The following ARID1B variants were observed in gnomAD, a reference collection of about 807,000 sequenced individuals.
The protein encoded by ARID1B is AT-rich interactive domain-containing protein 1B.
ARID1B carries 30 observed loss-of-function variants against 212.3 expected under a neutral mutation model. The observed-to-expected ratio is 0.14, with a 90% confidence interval of 0.11 to 0.19. The LOEUF (loss-of-function observed/expected upper bound fraction) is 0.19, where lower values mean the gene tolerates loss of function less well. Ranked by LOEUF, ARID1B falls within the 10% of genes least tolerant of loss-of-function variation. The pLI, the probability that ARID1B is intolerant of heterozygous loss-of-function variation, is 1.00. For synonymous variants in ARID1B, 1,402 were observed against 1,301.7 expected (o/e 1.08, Z -1.66); for missense variants, 2,891 against 3,204.0 (o/e 0.90, Z 2.36).
Position 156,859,837 on chromosome 6 carries a change from G to A in ARID1B, c.1986+30416G>A, listed in dbSNP as rs75383983. On this transcript the variant is annotated intron_variant, in intron 2 of 19. Transcript: ENST00000636930. Reference sequence around the variant, plus strand: ...GGAGAGGGCACAGAAAGACTAAGGTGAAAAGCTGTCACTTCTAATGTTTTC... The same window carrying A: ...GGAGAGGGCACAGAAAGACTAAGGTAAAAAGCTGTCACTTCTAATGTTTTC... 4.1e-3 allele frequency among the ~76,000 whole-genome samples: 631 copies of A among 152,340 alleles called. 10 individuals are homozygous for A. Among genetic ancestry groups the A allele is most frequent in the African/African-American group, 0.014 (591 of 41,580 alleles).
intron 1 of ARID1B, among the ~76,000 whole-genome samples, chr6:156,791,877 C>T (rs1019136417): frequency 1.2e-4 from 19 of 152,138 alleles, no homozygotes; most frequent in Non-Finnish European, 2.2e-4. Flanking sequence ...ATTGCTAATT[C>T]GTTTTGACTC....
At chr6:156,988,184 C>T (rs191929824) in intron 4 of ARID1B, among the ~76,000 whole-genome samples, 13 of 152,142 alleles carry the variant, frequency 8.5e-5, no homozygotes, top group African/African-American at 2.7e-4. Context: ...AGTTACAAAC[C>T]GGGAGCTTGA....
chr6:156,940,182 T>C (rs564284497), intron 4 of ARID1B: 1 of 152,342 alleles, frequency 6.6e-6, no homozygotes, highest in African/African-American at 2.4e-5. Flanking sequence ...TTGGCAGTCA[T>C]ACTCTAAGAG....
At chr6:156,811,461 A>G (rs1391279487) in intron 1 of ARID1B, among the ~76,000 whole-genome samples, 1 of 152,194 alleles carries the variant, frequency 6.6e-6, no homozygotes, top group African/African-American at 2.4e-5. Flanking sequence ...ACAAAATGCC[A>G]GACAGAATTT....
chr6:156,842,858 A>C (rs1350189668), intron 2 of ARID1B, among the ~76,000 whole-genome samples: 1 of 152,206 alleles, frequency 6.6e-6, no homozygotes, highest in Non-Finnish European at 1.5e-5. Context: ...TCACTTTGCC[A>C]GTGGGGAAAC....
At chr6:157,011,040 A>G (rs1291573400) in intron 4 of ARID1B, among the ~76,000 whole-genome samples, 1 of 151,986 alleles carries the variant, frequency 6.6e-6, no homozygotes, top group African/African-American at 2.4e-5. Flanking sequence ...GTGTTTTTTA[A>G]GTTTTTTTGG....
At chr6:157,034,343 G>T (rs940816271) in intron 4 of ARID1B, among the ~76,000 whole-genome samples, 3 of 152,158 alleles carry the variant, frequency 2.0e-5, no homozygotes, top group African/African-American at 7.2e-5. Flanking sequence ...CAGATTATAG[G>T]CAAAGAATTA....
rs1453256339 is a variant in ARID1B, at chr6:156,778,893, G to A, written c.1213G>A (p.Gly405Arg). Residue 405 changes from glycine to arginine, a missense_variant, in exon 1 of 20, where the codon GGA becomes AGA. Gly to Arg is a moderately radical substitution (Grantham distance 125, BLOSUM62 -2). Coordinates refer to ENST00000636930, the MANE Select transcript of ARID1B (RefSeq NM_001374828.1). ...GGGGGGGGSG[G>R]GGGGGGAGAG... Reference sequence around the variant, plus strand: ...CGGCGGAGGAGGAGGAGGCAGCGGAGGAGGAGGAGGAGGAGGAGGAGCAGG... The same window carrying A: ...CGGCGGAGGAGGAGGAGGCAGCGGAAGAGGAGGAGGAGGAGGAGGAGCAGG... 1.5e-6 allele frequency: 2 copies of A among 1,354,792 alleles called. No individual in the cohort carries two copies. Among genetic ancestry groups the A allele is most frequent in the African/African-American group, 1.6e-5 (1 of 63,698 alleles). The allele number at this position is 1,354,792 out of a possible 1,614,324, so 83.9% of individuals were successfully genotyped here. A position where few individuals can be genotyped will look rare whatever the true frequency, so the allele number is the denominator to read the frequency against.
intron 1 of ARID1B, among the ~76,000 whole-genome samples, chr6:156,798,093 C>A (rs1055403359): frequency 2.0e-5 from 3 of 152,182 alleles, no homozygotes; most frequent in Admixed American, 1.3e-4. Flanking sequence ...GGATAGGAAG[C>A]CAGAAAAAGG....
intron 3 of ARID1B, among the ~76,000 whole-genome samples, chr6:156,927,377 C>T (rs1791308163): frequency 6.6e-6 from 1 of 152,170 alleles, no homozygotes; most frequent in African/African-American, 2.4e-5. Context: ...AATGGTTTAA[C>T]ATGTTGCTTG....
At chr6:157,104,219 T>C (rs1443788676) in intron 5 of ARID1B, among the ~76,000 whole-genome samples, 2 of 152,198 alleles carry the variant, frequency 1.3e-5, no homozygotes. Flanking sequence ...CACCCAGTTA[T>C]GATAAAAACA....
chr6:156,848,001 T>TA (rs1451835939), intron 2 of ARID1B, among the ~76,000 whole-genome samples: 1 of 152,186 alleles, frequency 6.6e-6, no homozygotes. Flanking sequence ...TAAGCATTCA[T>TA]ATTTAGAATC....
At chr6:156,939,898 T>C (rs559934545) in intron 4 of ARID1B, 1 of 152,198 alleles carries the variant, frequency 6.6e-6, no homozygotes, top group Non-Finnish European at 1.5e-5. Flanking sequence ...ATATTACAGA[T>C]GGGTAGTTAA....
intron 4 of ARID1B, among the ~76,000 whole-genome samples, chr6:156,989,694 T>C (rs1583091068): frequency 6.6e-6 from 1 of 152,238 alleles, no homozygotes; most frequent in South Asian, 2.1e-4. Flanking sequence ...GTCAGTGAGA[T>C]TCCCCTTGAC....
At chr6:157,083,298 G>T (rs914839837) in intron 4 of ARID1B, among the ~76,000 whole-genome samples, 7 of 152,220 alleles carry the variant, frequency 4.6e-5, no homozygotes, top group Admixed American at 4.6e-4. Flanking sequence ...TCTATAGTAT[G>T]TAGTCTTCAG....
rs1351659701 is a variant in ARID1B at position 156,832,064 on chromosome 6, T to C, written c.1986+2643T>C. ...AAATAACAGAATGCACTTTTGAATG[T>C]GTATAACATTTTAAAGAAGACATAC... On this transcript the variant is annotated intron_variant, in intron 2 of 19. Transcript: ENST00000636930. Among the ~76,000 whole-genome samples, 4 of 152,354 alleles carry C rather than the reference T, an allele frequency of 2.6e-5. No individual in the cohort carries two copies. The East Asian group carries it at 7.7e-4, about 29-fold the overall frequency.
intron 4 of ARID1B, among the ~76,000 whole-genome samples, chr6:157,033,762 A>G (rs190354847): frequency 2.0e-5 from 3 of 152,348 alleles, no homozygotes; most frequent in Admixed American, 6.5e-5. Flanking sequence ...GAGGTTCTCT[A>G]CAAATGGAAT....
chr6:157,027,436 C>T (rs1780732284), intron 4 of ARID1B, among the ~76,000 whole-genome samples: 1 of 152,108 alleles, frequency 6.6e-6, no homozygotes, highest in Admixed American at 6.5e-5. Flanking sequence ...TTTGAAACCC[C>T]CATCTGTTTT....
At chr6:156,873,251 G>A (rs944893923) in intron 2 of ARID1B, among the ~76,000 whole-genome samples, 1 of 152,132 alleles carries the variant, frequency 6.6e-6, no homozygotes, top group African/African-American at 2.4e-5. Context: ...TTAATCACAG[G>A]TTAGTTTATG....
Sources: allele counts gnomAD v4.1 joint callset (sites outside exome capture counted in the v4.1 genomes callset), GRCh38; gene constraint gnomAD v4.1.1; transcripts MANE v1.5; gene names NCBI Gene and HGNC (gene_info 2026-07-23, HGNC 2026-07-21).